PARVB: variants seen among roughly 807,000 people sequenced by gnomAD.
PARVB encodes the protein beta-parvin.
Under a neutral mutation model 47.0 loss-of-function variants are expected in PARVB, and 46 were observed. That is an observed-to-expected ratio of 0.98 (90% CI 0.77 to 1.25). PARVB has a LOEUF of 1.25. PARVB is among the 50% of genes most tolerant of loss of function. The probability of loss-of-function intolerance (pLI) is 0.00; values close to 1 mark genes in which losing one functional copy is unlikely to be tolerated. For synonymous variants in PARVB, 196 were observed against 196.3 expected (o/e 1.00, Z 0.01); for missense variants, 473 against 471.6 (o/e 1.00, Z -0.03).
intron 4 of PARVB, chr22:44,119,753 C>T (rs1415495397): frequency 1.1e-5 from 6 of 528,576 alleles, no homozygotes; most frequent in Non-Finnish European, 2.3e-5. Flanking sequence ...AACTTACAGT[C>T]TGTCTGAAAA....
rs2050394978 is a variant in PARVB, at chr22:43,999,842, A to AAAAC, written c.211+172_211+173insCAAA. Among the ~76,000 whole-genome samples, 4 of 137,716 alleles carry AAAAC rather than the reference A, an allele frequency of 2.9e-5. No individual in the cohort carries two copies. The South Asian group carries it at 6.8e-4, about 23-fold the overall frequency. 90.3% of individuals were successfully genotyped at this position (137,716 alleles called of 152,430 possible). A position where few individuals can be genotyped will look rare whatever the true frequency, so the allele number is the denominator to read the frequency against. On this transcript the variant is annotated intron_variant, in intron 2 of 13. Transcript: ENST00000406477. ...TGAAAACCCATCTATATGAAAAAAA[A>AAAAC]AAAAAAAAAAAAAAAACAGCTGGGT...
At chr22:44,086,742 G>GT in intron 1 of PARVB, 1 of 985,380 alleles carries the variant, frequency 1.0e-6, no homozygotes, top group Non-Finnish European at 1.2e-6. Flanking sequence ...AAACTGCTCT[G>GT]TTAAGAAGAC....
Position 44,093,845 on chromosome 22 carries a change from T to A in PARVB, c.113-83T>A. 3.8e-6 allele frequency: 3 copies of A among 788,440 alleles called. No homozygotes were observed. The Admixed American group carries it at 7.2e-5, about 19-fold the overall frequency. The allele number at this position is 788,440 out of a possible 1,614,324, so 48.8% of individuals were successfully genotyped here. Reference sequence around the variant, plus strand: ...AATGCTGAAAAAAACAGGAATTGATTTCTCTCTGCGTCCACAGCCAACATG... The same window carrying A: ...AATGCTGAAAAAAACAGGAATTGATATCTCTCTGCGTCCACAGCCAACATG... On this transcript the variant is annotated intron_variant, in intron 1 of 12. Coordinates refer to ENST00000338758, the MANE Select transcript of PARVB (RefSeq NM_013327.5).
chr22:44,115,500 T>TACA, intron 3 of PARVB: 3 of 51,230 alleles, frequency 5.9e-5, no homozygotes, highest in African/African-American at 3.2e-4. Context: ...ACTAAGGCCC[T>TACA]GCACCAGAAC....
At chr22:44,133,650 C>T (rs192509230) in intron 6 of PARVB, among the ~76,000 whole-genome samples, 4 of 152,344 alleles carry the variant, frequency 2.6e-5, no homozygotes, top group East Asian at 1.9e-4. Flanking sequence ...GCGGTCCTCC[C>T]GCCTCAGCCT....
chr22:44,031,305 G>A (rs1177245131), intron 1 of PARVB: 2 of 152,202 alleles, frequency 1.3e-5, no homozygotes, highest in Admixed American at 6.5e-5. Context: ...GAAGTGGGTG[G>A]CTCAGCTACA....
At chr22:44,046,868 CA>C (rs1281281621) in intron 1 of PARVB, among the ~76,000 whole-genome samples, 3 of 152,116 alleles carry the variant, frequency 2.0e-5, no homozygotes, top group Non-Finnish European at 1.5e-5. Context: ...AGGTCCTTAT[CA>C]GTGCCGGGAG....
At chr22:44,145,864 A>G (rs2147130970) in intron 8 of PARVB, 1 of 151,814 alleles carries the variant, frequency 6.6e-6, no homozygotes, top group African/African-American at 2.4e-5. Context: ...AGCTGCATTT[A>G]TAGTTTGCGT....
intron 1 of PARVB, among the ~76,000 whole-genome samples, chr22:44,056,062 C>T (rs1455821542): frequency 6.6e-6 from 1 of 152,224 alleles, no homozygotes; most frequent in African/African-American, 2.4e-5. Flanking sequence ...TCTTTCCTTG[C>T]GTTTTGCACA....
At chr22:44,028,210 C>G (rs141164928) in intron 1 of PARVB, among the ~76,000 whole-genome samples, 2 of 152,240 alleles carry the variant, frequency 1.3e-5, no homozygotes, top group African/African-American at 4.8e-5. Context: ...CCCACCATTA[C>G]AGTCACCTCT....
At chr22:44,015,545 G>A (rs1432453712) in intron 2 of PARVB, among the ~76,000 whole-genome samples, 8 of 152,102 alleles carry the variant, frequency 5.3e-5, no homozygotes, top group Admixed American at 2.6e-4. Flanking sequence ...GGGGCTGGGC[G>A]CGGTGACTCA....
chr22:44,045,976 G>T (rs2051104922), intron 1 of PARVB, among the ~76,000 whole-genome samples: 1 of 152,192 alleles, frequency 6.6e-6, no homozygotes, highest in Non-Finnish European at 1.5e-5. Flanking sequence ...ATTTTGGGAG[G>T]AATTGTACTG....
At chr22:44,127,734 A>G (rs900482150) in intron 4 of PARVB, among the ~76,000 whole-genome samples, 1 of 102,144 alleles carries the variant, frequency 9.8e-6, no homozygotes, top group African/African-American at 3.6e-5. Flanking sequence ...TGGTTTGGCC[A>G]TGTGGAAATT....
At chr22:44,140,063 GC>G in intron 7 of PARVB, 60 bp from the exon 8 acceptor site, 1 of 1,604,422 alleles carries the variant, frequency 6.2e-7, no homozygotes, top group Non-Finnish European at 8.5e-7. Context: ...CCATTGTGCT[GC>G]TTGTGAAACT....
chr22:44,128,275 T>C (rs1322626336), intron 4 of PARVB, among the ~76,000 whole-genome samples: 1 of 152,200 alleles, frequency 6.6e-6, no homozygotes, highest in Admixed American at 6.5e-5. Context: ...GCACACCCTC[T>C]CCTTGTGAAG....
chr22:44,076,796 GC>G (rs2051783975), intron 1 of PARVB, among the ~76,000 whole-genome samples: 1 of 152,044 alleles, frequency 6.6e-6, no homozygotes, highest in South Asian at 2.1e-4. Flanking sequence ...GAGGTGGCCT[GC>G]CCCAACTCCC....
intron 1 of PARVB, among the ~76,000 whole-genome samples, chr22:44,092,186 C>T (rs1471679867): frequency 6.6e-6 from 1 of 152,194 alleles, no homozygotes; most frequent in African/African-American, 2.4e-5. Flanking sequence ...TCTTGGCTCA[C>T]TGCAACCTCC....
In PARVB at chr22:44,125,554, A is replaced by C. The variant is rs2053168525; in HGVS notation, c.377-5933A>C. On this transcript the variant is annotated intron_variant, in intron 4 of 12. Transcript: ENST00000338758. The surrounding 1 kb of genome is among the most constrained non-coding windows in gnomAD (Gnocchi z 4.1). ...ACATGTCTGCACAGTGAGCTTGGGA[A>C]GGGCGTTCTGGGCTGAGGCTCTAAA... 6.6e-6 allele frequency among the ~76,000 whole-genome samples: 1 copy of C among 152,104 alleles called. No individual in the cohort carries two copies. The highest frequency in any genetic ancestry group is 1.5e-5 in the Non-Finnish European group (1 of 68,018).
At position 44,092,420 on chromosome 22, in the gene PARVB, TA is replaced by T. The variant is rs2052192343; in HGVS notation, c.113-1507del. Among the ~76,000 whole-genome samples the T allele has an allele frequency of 3.9e-5, 6 of 152,350 alleles. No homozygotes were observed. The South Asian group carries it at 1.2e-3, about 32-fold the overall frequency. On this transcript the variant is annotated intron_variant, in intron 1 of 12. Transcript: ENST00000338758. ...CACCGCACCCGACCTGGGTTATTTC[TA>T]CTTTTGGGCTATTTTGAGTCCTGCA...
Sources: gnomAD v4.1 joint callset for allele counts (sites outside exome capture counted in the v4.1 genomes callset) on GRCh38, gnomAD v4.1.1 for gene constraint, Gnocchi (gnomAD v3.1) non-coding constraint, MANE v1.5 for transcripts, NCBI Gene and HGNC (gene_info 2026-07-23, HGNC 2026-07-21) for gene names.